The following DAB1 variants were observed in gnomAD, a reference collection of about 807,000 sequenced individuals.
DAB1 encodes the protein disabled homolog 1.
A neutral mutation model predicts 64.6 loss-of-function variants in DAB1; 15 were observed. The ratio of observed to expected loss-of-function variants is 0.23; its 90% CI spans 0.16 to 0.36. The LOEUF is 0.36. Among genes scored for constraint, DAB1 ranks in the 10% least tolerant of loss-of-function variants. DAB1 has a pLI of 1.00. For missense variants in DAB1, 596 were observed against 706.7 expected, an observed-to-expected ratio of 0.84 and a Z score of 1.78; for synonymous variants, 235 against 251.9, an observed-to-expected ratio of 0.93 and a Z score of 0.64.
intron 5 of DAB1, among the ~76,000 whole-genome samples, chr1:58,094,763 A>G (rs1396215120): frequency 1.2e-4 from 18 of 152,222 alleles, no homozygotes; most frequent in Admixed American, 1.2e-3. Context: ...GGCATGTGCT[A>G]GAGTAGTGCT....
chr1:57,588,188 G>A (rs1447469774), intron 7 of DAB1, among the ~76,000 whole-genome samples: 1 of 152,138 alleles, frequency 6.6e-6, no homozygotes, highest in African/African-American at 2.4e-5. Flanking sequence ...GGCAGCATCA[G>A]CCTAACCTGG....
chr1:57,271,341 T>C (rs1244409747), intron 2 of DAB1, among the ~76,000 whole-genome samples: 3 of 152,236 alleles, frequency 2.0e-5, no homozygotes, highest in Non-Finnish European at 4.4e-5. Context: ...TCTGCCTCTG[T>C]CCTCACTGGT....
chr1:57,408,144 A>G (rs953535235), intron 1 of DAB1, among the ~76,000 whole-genome samples: 1 of 152,128 alleles, frequency 6.6e-6, no homozygotes, highest in Non-Finnish European at 1.5e-5. Context: ...CAGAGCTGTA[A>G]TGTTTACACA....
intron 5 of DAB1, among the ~76,000 whole-genome samples, chr1:57,901,421 A>C (rs1044426990): frequency 3.9e-5 from 6 of 152,054 alleles, no homozygotes; most frequent in Non-Finnish European, 5.9e-5. Context: ...ATTTCTCTTC[A>C]ACCATCTGTG....
intron 6 of DAB1, among the ~76,000 whole-genome samples, chr1:57,756,636 G>A (rs1010181341): frequency 6.6e-6 from 1 of 151,684 alleles, no homozygotes; most frequent in Non-Finnish European, 1.5e-5. Context: ...GGGGAGATGA[G>A]AAGTCCAGTT....
chr1:58,499,116 T>C (rs566840263), intron 3 of DAB1, among the ~76,000 whole-genome samples: 1 of 152,056 alleles, frequency 6.6e-6, no homozygotes, highest in South Asian at 2.1e-4. Flanking sequence ...TTATGCTAAG[T>C]GAAATAAGCC....
chr1:58,221,848 A>G (rs1659187446), intron 4 of DAB1, among the ~76,000 whole-genome samples: 1 of 152,176 alleles, frequency 6.6e-6, no homozygotes, highest in Non-Finnish European at 1.5e-5. Flanking sequence ...GGGACTCTCA[A>G]AATTCTTTTT....
intron 2 of DAB1, among the ~76,000 whole-genome samples, chr1:57,147,343 GAC>G (rs141861837): frequency 0.096 from 14,639 of 151,798 alleles, 935 homozygotes; most frequent in Non-Finnish European, 0.14. Context: ...GCAAGTAGAA[GAC>G]ACAATCCTGG....
intron 7 of DAB1, among the ~76,000 whole-genome samples, chr1:57,528,479 C>T (rs1644619552): frequency 6.6e-6 from 1 of 151,986 alleles, no homozygotes; most frequent in Non-Finnish European, 1.5e-5. Context: ...ATTTTGATGA[C>T]TTATTAGCTG....
In DAB1 at chr1:58,190,263, C is replaced by T. The variant is rs138690251; in HGVS notation, n.310-39675G>A. Among the ~76,000 whole-genome samples the T allele has an allele frequency of 6.7e-3, 1,025 of 152,258 alleles. 12 individuals carry two copies. The highest frequency in any genetic ancestry group is 0.014 in the Middle Eastern group (4 of 294). ...GAATCCTGCTGTTCTCACATTGGGT[C>T]AAAGATGGAGAAAGAAACCCCTGAC... is the stretch of plus-strand genomic sequence containing the variant. On this transcript the variant is annotated intron_variant and non_coding_transcript_variant, in intron 4 of 20. Coordinates refer to the DAB1 transcript ENST00000485760.
chr1:57,494,241 C>T (rs1254821516), intron 7 of DAB1, among the ~76,000 whole-genome samples: 1 of 149,298 alleles, frequency 6.7e-6, no homozygotes, highest in Non-Finnish European at 1.5e-5. Flanking sequence ...CAAGAAGTGT[C>T]AAATTGTTAC....
chr1:58,518,519 GT>G (rs1646209120), intron 2 of DAB1, among the ~76,000 whole-genome samples: 1 of 151,902 alleles, frequency 6.6e-6, no homozygotes, highest in South Asian at 2.1e-4. Context: ...AGAAGTTTAG[GT>G]AAAAGATGCT....
At chr1:57,545,912 T>C (rs1644851123) in intron 7 of DAB1, among the ~76,000 whole-genome samples, 1 of 152,200 alleles carries the variant, frequency 6.6e-6, no homozygotes. Context: ...CCTAGAGGAA[T>C]ACTCCAGAAT....
chr1:57,631,818 AG>A (rs1645992870), intron 7 of DAB1, among the ~76,000 whole-genome samples: 1 of 152,250 alleles, frequency 6.6e-6, no homozygotes, highest in African/African-American at 2.4e-5. Flanking sequence ...CAGGACCCAA[AG>A]GAGGGGTCAG....
At chr1:58,268,431 G>T (rs1019864076) in intron 4 of DAB1, among the ~76,000 whole-genome samples, 4 of 152,080 alleles carry the variant, frequency 2.6e-5, no homozygotes, top group Admixed American at 1.3e-4. Context: ...GGAAACTTGG[G>T]CAGTTAAGTG....
At chr1:58,383,086 T>G (rs61779024) in intron 3 of DAB1, among the ~76,000 whole-genome samples, 6 of 139,504 alleles carry the variant, frequency 4.3e-5, no homozygotes, top group African/African-American at 1.0e-4. Flanking sequence ...GCCAGTAGTA[T>G]TTTCACTATA....
intron 2 of DAB1, among the ~76,000 whole-genome samples, chr1:57,226,672 A>AAAATATATATATATATATATATATAT (rs747021990): frequency 1.5e-5 from 2 of 136,012 alleles, no homozygotes; most frequent in African/African-American, 6.2e-5. Flanking sequence ...TTAAAAAAAA[A>AAAATATATATATATATATATATATAT]ATATATATAT....
At chr1:58,085,298 G>A (rs779625465) in intron 5 of DAB1, among the ~76,000 whole-genome samples, 13 of 152,102 alleles carry the variant, frequency 8.5e-5, no homozygotes, top group Non-Finnish European at 1.5e-4. Context: ...CTTAGTATAG[G>A]TGAGCAAACC....
At position 57,655,969 on chromosome 1, in the gene DAB1, C is replaced by T. The variant is rs140729398; in HGVS notation, n.552-6304G>A. Among the ~76,000 whole-genome samples, 753 of 152,238 alleles carry T rather than the reference C, an allele frequency of 4.9e-3. 10 individuals carry two copies. Among genetic ancestry groups the T allele is most frequent in the African/African-American group, 0.017 (707 of 41,516 alleles). ...TGTGACTCTCCACCCCTGCTAAATTCATATACTGAAATTGGAACCCCCAAT... is the reference window on the plus strand; with the variant it reads ...TGTGACTCTCCACCCCTGCTAAATTTATATACTGAAATTGGAACCCCCAAT... On this transcript the variant is annotated intron_variant and non_coding_transcript_variant, in intron 6 of 20. Transcript: ENST00000485760.
Sources: allele counts gnomAD v4.1 joint callset (sites outside exome capture counted in the v4.1 genomes callset), GRCh38; gene constraint gnomAD v4.1.1; transcripts MANE v1.5; gene names NCBI Gene and HGNC (gene_info 2026-07-23, HGNC 2026-07-21).